SASH1: variants seen among roughly 807,000 people sequenced by gnomAD.
SASH1 encodes the protein SAM and SH3 domain-containing protein 1.
A neutral mutation model predicts 125.2 loss-of-function variants in SASH1; 44 were observed. That is an observed-to-expected ratio of 0.35 (90% confidence interval 0.28 to 0.45). SASH1 has a LOEUF of 0.45. Among genes scored for constraint, SASH1 ranks in the 20% least tolerant of loss-of-function variants. The pLI, the probability that SASH1 is intolerant of heterozygous loss-of-function variation, is 1.00. For missense variants in SASH1, 1,426 were observed against 1,614.5 expected (o/e 0.88, Z 2.00); for synonymous variants, 639 against 649.1 (o/e 0.98, Z 0.24).
chr6:148,276,207 T>C (rs924699813), intron 1 of SASH1, among the ~76,000 whole-genome samples: 1 of 152,136 alleles, frequency 6.6e-6, no homozygotes, highest in Non-Finnish European at 1.5e-5. Context: ...CTGTAAGGAG[T>C]TGTTGTAAGG....
chr6:148,214,297 C>T, the SASH1 span, among the ~76,000 whole-genome samples: 1 of 152,070 alleles, frequency 6.6e-6, no homozygotes, highest in Non-Finnish European at 1.5e-5. Flanking sequence ...TGCTTATATG[C>T]CCCTCATTTC....
chr6:148,421,130 GAAGGAAGGAAGGAAGGAAGA>G (rs1348309666), intron 2 of SASH1, among the ~76,000 whole-genome samples: 3 of 58,132 alleles, frequency 5.2e-5, no homozygotes, highest in African/African-American at 1.5e-4. Flanking sequence ...AGGAAGAAAG[GAAGGAAGGAAGGAAGGAAGA>G]AAGAAAGAAA....
chr6:148,350,134 C>T (rs1384276002), intron 1 of SASH1, among the ~76,000 whole-genome samples: 6 of 152,092 alleles, frequency 3.9e-5, no homozygotes, highest in East Asian at 1.9e-4. Flanking sequence ...TGTGAGCCAC[C>T]GCGCCCGGCA....
rs529079796 is a variant in SASH1, at chr6:148,525,995, A to G, written c.1284+630A>G. Among the ~76,000 whole-genome samples the G allele has an allele frequency of 1.1e-4, 17 of 149,648 alleles. No individual in the cohort carries two copies. The East Asian group carries it at 3.0e-3, about 26-fold the overall frequency. ...GGACAGGCCACCACAGTGGCACACA[A>G]GTTTTGTTTCCTGAAATTTGCTTTC... On this transcript the variant is annotated intron_variant, in intron 11 of 19. Coordinates refer to ENST00000367467, the MANE Select transcript of SASH1 (RefSeq NM_015278.5).
chr6:148,499,502 G>A (rs531935445), intron 8 of SASH1, among the ~76,000 whole-genome samples: 288 of 152,274 alleles, frequency 1.9e-3, no homozygotes, highest in Middle Eastern at 6.8e-3. Flanking sequence ...TTGTACACAG[G>A]GAGCTTGGGT....
rs111824542 is a variant in SASH1 at position 148,428,279 on chromosome 6, G to A, written c.286-11905G>A. Among the ~76,000 whole-genome samples the A allele has an allele frequency of 5.9e-3, 900 of 152,238 alleles. 11 individuals carry two copies. Among genetic ancestry groups the A allele is most frequent in the African/African-American group, 0.019 (801 of 41,554 alleles). On this transcript the variant is annotated intron_variant, in intron 2 of 19. Transcript: ENST00000367467. ...GAACTAAGTTACTTAGCCATCTTAA[G>A]TCATTTTCTGGAACGTGGTGAGGCC...
intron 2 of SASH1, among the ~76,000 whole-genome samples, chr6:148,438,344 C>A (rs1471271326): frequency 6.6e-6 from 1 of 152,182 alleles, no homozygotes; most frequent in East Asian, 1.9e-4. Context: ...TCTGTAAGCA[C>A]CAGAAATGTC....
At chr6:148,347,500 C>G (rs574418731) in intron 1 of SASH1, among the ~76,000 whole-genome samples, 1 of 152,258 alleles carries the variant, frequency 6.6e-6, no homozygotes, top group Non-Finnish European at 1.5e-5. Flanking sequence ...AACAAGAAAA[C>G]CCCTAAAACA....
the SASH1 span, among the ~76,000 whole-genome samples, chr6:148,199,781 G>A: frequency 6.8e-6 from 1 of 148,028 alleles, no homozygotes; most frequent in South Asian, 2.1e-4. Context: ...AAGAAAGGAA[G>A]GAAGGAAGGA....
At chr6:148,350,174 G>T (rs1437794795) in intron 1 of SASH1, among the ~76,000 whole-genome samples, 1 of 152,146 alleles carries the variant, frequency 6.6e-6, no homozygotes, top group African/African-American at 2.4e-5. Context: ...GGAAAAGGCG[G>T]CCAGGCACAG....
Position 148,548,771 on chromosome 6 carries a change from A to C in SASH1, c.*213A>C. On this transcript the variant is annotated 3_prime_UTR_variant, in exon 20 of 20. Coordinates refer to ENST00000367467, the MANE Select transcript of SASH1 (RefSeq NM_015278.5). ...AAATAAATTAGTGCGGTTCTCTTTG[A>C]CCCCCAAAGACAAGACAAGCACTTA... The C allele has an allele frequency of 7.9e-6, 4 of 509,302 alleles. No individual in the cohort carries two copies. The highest frequency in any genetic ancestry group is 1.0e-5 in the Non-Finnish European group (3 of 296,118). 31.5% of individuals were successfully genotyped at this position (509,302 alleles called of 1,614,324 possible). A position where few individuals can be genotyped will look rare whatever the true frequency, so the allele number is the denominator to read the frequency against.
In SASH1 at chr6:148,421,126, A is replaced by AAAGGAAGGAAGGAAGGAAGG. The variant is rs148595857; in HGVS notation, c.286-19054_286-19035dup. Among the ~76,000 whole-genome samples, 50 of 82,348 alleles carry AAAGGAAGGAAGGAAGGAAGG rather than the reference A, an allele frequency of 6.1e-4. 2 individuals carry two copies. The highest frequency in any genetic ancestry group is 9.5e-4 in the Admixed American group (7 of 7,390). 54.0% of individuals were successfully genotyped at this position (82,348 alleles called of 152,430 possible). ...AGAAAAGAAAGGAAAAGAAAGGAAG[A>AAAGGAAGGAAGGAAGGAAGG]AAGGAAGGAAGGAAGGAAGGAAGAA... On this transcript the variant is annotated intron_variant, in intron 2 of 19. Coordinates refer to ENST00000367467, the MANE Select transcript of SASH1 (RefSeq NM_015278.5).
chr6:148,481,600 G>C (rs773545390), intron 7 of SASH1, among the ~76,000 whole-genome samples: 1 of 152,122 alleles, frequency 6.6e-6, no homozygotes, highest in Admixed American at 6.6e-5. Context: ...TAAATATGTT[G>C]TGTCTCAGGA....
intron 8 of SASH1, among the ~76,000 whole-genome samples, chr6:148,489,882 GTGTGTA>G (rs1011764721): frequency 6.8e-5 from 9 of 132,406 alleles, no homozygotes; most frequent in East Asian, 4.1e-4. Context: ...GTGTGTGTGT[GTGTGTA>G]TAGTGTTAGG....
In SASH1 at chr6:148,410,503, T is replaced by G. The variant is rs1336742438; in HGVS notation, c.285+20241T>G. The stretch of plus-strand genomic sequence containing the variant: ...CAGTGATACATTTAATGGTTGCATA[T>G]TCAAATCTCAAAAGAGATTACTAGT... On this transcript the variant is annotated intron_variant, in intron 2 of 19. Coordinates refer to ENST00000367467, the MANE Select transcript of SASH1 (RefSeq NM_015278.5). Among the ~76,000 whole-genome samples the G allele has an allele frequency of 3.3e-5, 5 of 152,300 alleles. No homozygotes were observed. The Middle Eastern group carries it at 0.01, about 311-fold the overall frequency.
chr6:148,528,352 T>C (rs2115389723), intron 12 of SASH1, among the ~76,000 whole-genome samples: 1 of 152,292 alleles, frequency 6.6e-6, no homozygotes. Context: ...CCTGTTGAAG[T>C]TCCTGTGTAT....
the SASH1 span, among the ~76,000 whole-genome samples, chr6:148,262,687 C>A: frequency 6.6e-6 from 1 of 152,128 alleles, no homozygotes; most frequent in African/African-American, 2.4e-5. Flanking sequence ...AGTTTGAGAC[C>A]AGCCTGGCCA....
At chr6:148,398,426 G>T (rs1358960314) in intron 2 of SASH1, among the ~76,000 whole-genome samples, 2 of 152,160 alleles carry the variant, frequency 1.3e-5, no homozygotes, top group African/African-American at 4.8e-5. Flanking sequence ...TGGGAAACAG[G>T]TTTCCTGTTG....
the SASH1 span, among the ~76,000 whole-genome samples, chr6:148,254,818 C>T: frequency 1.4e-4 from 22 of 152,110 alleles, no homozygotes; most frequent in Non-Finnish European, 2.9e-4. Flanking sequence ...AAGTTATACC[C>T]AGAGTTTTCA....
Sources: allele counts gnomAD v4.1 joint callset (sites outside exome capture counted in the v4.1 genomes callset), GRCh38; gene constraint gnomAD v4.1.1; transcripts MANE v1.5; gene names NCBI Gene and HGNC (gene_info 2026-07-23, HGNC 2026-07-21).